Variants in DOCK7 observed in about 807,000 individuals in gnomAD.
DOCK7 encodes the protein dedicator of cytokinesis 7, also known as dedicator of cytokinesis protein 7.
DOCK7 carries 138 observed loss-of-function variants against 271.0 expected under a neutral mutation model. The ratio of observed to expected loss-of-function variants is 0.51; its 90% CI spans 0.44 to 0.59. DOCK7 has a LOEUF of 0.59. Ranked by LOEUF, DOCK7 falls within the 20% of genes least tolerant of loss-of-function variation. The pLI is 0.00. For missense variants in DOCK7, 2,066 were observed against 2,592.4 expected (o/e 0.80, Z 4.41); for synonymous variants, 823 against 876.1 (o/e 0.94, Z 1.07).
At chr1:62,630,635 G>C (rs1654506389) in intron 11 of DOCK7, among the ~76,000 whole-genome samples, 1 of 152,012 alleles carries the variant, frequency 6.6e-6, no homozygotes, top group African/African-American at 2.4e-5. Flanking sequence ...GACTTGGGGA[G>C]AACATGCAAA....
intron 4 of DOCK7, among the ~76,000 whole-genome samples, chr1:62,649,898 C>T (rs1172210873): frequency 6.6e-6 from 1 of 152,126 alleles, no homozygotes; most frequent in African/African-American, 2.4e-5. Context: ...ACAGGGCTCA[C>T]TTCCTTCAGG....
Position 62,655,311 on chromosome 1 carries a change from T to C in DOCK7, c.145-1152A>G, listed in dbSNP as rs1657872113. Among the ~76,000 whole-genome samples, 3 of 152,306 alleles carry C rather than the reference T, an allele frequency of 2.0e-5. No individual in the cohort carries two copies. In the South Asian group the frequency reaches 6.2e-4, roughly 32 times the overall value. On this transcript the variant is annotated intron_variant, in intron 2 of 49. Transcript: ENST00000635253. ...AATGAAAATAAGAACATGTTATTTCTCAGGATAGTCATCTGGAATAAAAAC... is the reference window on the plus strand; with the variant it reads ...AATGAAAATAAGAACATGTTATTTCCCAGGATAGTCATCTGGAATAAAAAC...
At chr1:62,613,276 G>C (rs965269241) in intron 14 of DOCK7, among the ~76,000 whole-genome samples, 15 of 152,138 alleles carry the variant, frequency 9.9e-5, no homozygotes, top group African/African-American at 3.4e-4. Context: ...GTATGGTGCA[G>C]TAAGAAACAA....
At chr1:62,661,042 T>C (rs1375377486) in intron 2 of DOCK7, among the ~76,000 whole-genome samples, 1 of 150,478 alleles carries the variant, frequency 6.6e-6, no homozygotes, top group African/African-American at 2.5e-5. Context: ...AAGGCTATAG[T>C]GAGCTATGAT....
intron 23 of DOCK7, among the ~76,000 whole-genome samples, chr1:62,544,583 AAAT>A (rs2149403414): frequency 6.6e-6 from 1 of 152,308 alleles, no homozygotes; most frequent in Admixed American, 6.5e-5. Flanking sequence ...AACCAAAAGC[AAAT>A]AGAAAACTGT....
intron 18 of DOCK7, among the ~76,000 whole-genome samples, chr1:62,562,233 CTTT>C (rs59893499): frequency 0.39 from 47,730 of 121,362 alleles, 9,141 homozygotes; most frequent in South Asian, 0.48. Context: ...GATCCAAAAA[CTTT>C]TTTTTTTTTT....
At chr1:62,487,541 T>C (rs928355918) in intron 42 of DOCK7, 129 bp from the exon 43 acceptor site, 1 of 768,418 alleles carries the variant, frequency 1.3e-6, no homozygotes, top group Admixed American at 2.4e-5. Context: ...TTAAACAGCA[T>C]ATTCATTTAC....
intron 1 of DOCK7, among the ~76,000 whole-genome samples, chr1:62,665,279 G>A (rs368141586): frequency 1.3e-5 from 2 of 151,742 alleles, no homozygotes; most frequent in East Asian, 2.0e-4. Context: ...AGGAGCCACC[G>A]TGCCTAGCCT....
intron 16 of DOCK7, among the ~76,000 whole-genome samples, chr1:62,579,347 A>G (rs1024189960): frequency 6.6e-6 from 1 of 152,160 alleles, no homozygotes; most frequent in Non-Finnish European, 1.5e-5. Context: ...TTTCCTTCAT[A>G]GGAGAATGCT....
At chr1:62,681,554 AT>A (rs1322096165) in intron 1 of DOCK7, among the ~76,000 whole-genome samples, 12 of 151,026 alleles carry the variant, frequency 7.9e-5, no homozygotes, top group South Asian at 4.2e-4. Flanking sequence ...AAAAAATAAA[AT>A]AAAAATACAA....
intron 31 of DOCK7, among the ~76,000 whole-genome samples, chr1:62,519,824 G>C (rs1178710726): frequency 6.6e-6 from 1 of 152,072 alleles, no homozygotes; most frequent in East Asian, 1.9e-4. Flanking sequence ...GAACAAAGCT[G>C]GAGGCATCAC....
intron 34 of DOCK7, among the ~76,000 whole-genome samples, chr1:62,508,774 T>C (rs998838220): frequency 7.3e-6 from 1 of 137,378 alleles, no homozygotes; most frequent in Non-Finnish European, 1.6e-5. Flanking sequence ...AACAGTTTGA[T>C]GCAATAAAGT....
intron 45 of DOCK7, 48 bp from the exon 46 acceptor site, chr1:62,475,991 T>G: frequency 6.2e-7 from 1 of 1,603,902 alleles, no homozygotes; most frequent in Non-Finnish European, 8.5e-7. Context: ...AGTCATCATT[T>G]AGTCTTTCTC....
At chr1:62,503,905 G>T (rs1016572880) in intron 37 of DOCK7, among the ~76,000 whole-genome samples, 7 of 152,156 alleles carry the variant, frequency 4.6e-5, no homozygotes, top group Non-Finnish European at 8.8e-5. Flanking sequence ...AAATTAGCTG[G>T]GCGTGGTGGC....
chr1:62,578,157 G>C (rs945324179), intron 17 of DOCK7, among the ~76,000 whole-genome samples: 6 of 151,802 alleles, frequency 4.0e-5, no homozygotes, highest in African/African-American at 1.5e-4. Flanking sequence ...AAATACTCAA[G>C]GGTTTTAATT....
chr1:62,625,440 G>A lies in DOCK7; in HGVS notation c.1283-39C>T, dbSNP rs371901183. 3 of 1,555,332 alleles carry A rather than the reference G, an allele frequency of 1.9e-6. No individual in the cohort carries two copies. In the African/African-American group the frequency reaches 4.1e-5, roughly 21 times the overall value. Reference sequence around the variant, plus strand: ...AAAAAAAAAATTCATTTTCATAGAAGTTAAATTTTGTTTTAAAGTAGCTTT... The same window carrying A: ...AAAAAAAAAATTCATTTTCATAGAAATTAAATTTTGTTTTAAAGTAGCTTT... On this transcript the variant is annotated intron_variant, in intron 11 of 49. Transcript: ENST00000635253.
intron 15 of DOCK7, 102 bp from the exon 16 acceptor site, chr1:62,583,356 G>T: frequency 9.4e-7 from 1 of 1,062,272 alleles, no homozygotes; most frequent in Non-Finnish European, 1.4e-6. Flanking sequence ...TGAGAAAAAT[G>T]GGCAAAATCA....
chr1:62,565,333 G>A (rs1042176955), intron 18 of DOCK7, among the ~76,000 whole-genome samples: 2 of 152,106 alleles, frequency 1.3e-5, no homozygotes, highest in Non-Finnish European at 2.9e-5. Context: ...CAAACCGAAT[G>A]CAGCAGCACA....
intron 22 of DOCK7, among the ~76,000 whole-genome samples, chr1:62,550,343 T>C (rs935816473): frequency 6.6e-6 from 1 of 152,112 alleles, no homozygotes; most frequent in Non-Finnish European, 1.5e-5. Flanking sequence ...TAGATGGTAA[T>C]AGGTAGCTAG....
Sources: allele counts gnomAD v4.1 joint callset (sites outside exome capture counted in the v4.1 genomes callset), GRCh38; gene constraint gnomAD v4.1.1; transcripts MANE v1.5; gene names NCBI Gene and HGNC (gene_info 2026-07-23, HGNC 2026-07-21).